CTNNA2: variants seen among roughly 807,000 people sequenced by gnomAD.
CTNNA2 encodes the protein catenin alpha-2.
A neutral mutation model predicts 101.0 loss-of-function variants in CTNNA2; 42 were observed. That is an observed-to-expected ratio of 0.42 (90% CI 0.32 to 0.54). CTNNA2 has a LOEUF of 0.54. Among genes scored for constraint, CTNNA2 ranks in the 20% least tolerant of loss-of-function variants. CTNNA2 has a pLI of 0.14. For missense variants in CTNNA2, 871 were observed against 1,223.1 expected (o/e 0.71, Z 4.29); for synonymous variants, 450 against 456.4 (o/e 0.99, Z 0.18).
intron 2 of CTNNA2, among the ~76,000 whole-genome samples, chr2:79,279,479 C>T (rs867204225): frequency 1.1e-4 from 17 of 152,074 alleles, no homozygotes; most frequent in South Asian, 8.3e-4. Context: ...CCCCCAACTT[C>T]CAGTTACTTG....
At chr2:80,423,430 AT>A (rs1037866805) in intron 9 of CTNNA2, among the ~76,000 whole-genome samples, 2 of 151,594 alleles carry the variant, frequency 1.3e-5, no homozygotes, top group African/African-American at 4.9e-5. Context: ...ATTGAGTTCA[AT>A]TTTTTTTTAA....
chr2:79,455,597 G>A (rs1166793589), intron 4 of CTNNA2, among the ~76,000 whole-genome samples: 1 of 152,114 alleles, frequency 6.6e-6, no homozygotes, highest in Admixed American at 6.5e-5. Context: ...ACGTACCTTT[G>A]CAAACATATT....
intron 7 of CTNNA2, among the ~76,000 whole-genome samples, chr2:80,182,879 G>T (rs1405393382): frequency 6.6e-6 from 1 of 152,134 alleles, no homozygotes; most frequent in Non-Finnish European, 1.5e-5. Flanking sequence ...TATTCATAGG[G>T]TTAACAAGGG....
At chr2:80,315,165 C>G (rs1282199786) in intron 7 of CTNNA2, among the ~76,000 whole-genome samples, 1 of 152,154 alleles carries the variant, frequency 6.6e-6, no homozygotes, top group Non-Finnish European at 1.5e-5. Context: ...TAATCATAAG[C>G]ACAAATTGCA....
intron 1 of CTNNA2, among the ~76,000 whole-genome samples, chr2:79,605,623 G>C (rs941986162): frequency 6.6e-6 from 1 of 152,062 alleles, no homozygotes; most frequent in Non-Finnish European, 1.5e-5. Flanking sequence ...GCAATATAAG[G>C]CTAGGCATGG....
At chr2:79,644,466 T>G (rs1378100398) in intron 1 of CTNNA2, among the ~76,000 whole-genome samples, 1 of 152,176 alleles carries the variant, frequency 6.6e-6, no homozygotes, top group Non-Finnish European at 1.5e-5. Flanking sequence ...CTTGATCATG[T>G]AATGTAAGAT....
At chr2:79,874,619 G>C (rs1250307516) in intron 6 of CTNNA2, among the ~76,000 whole-genome samples, 3 of 152,064 alleles carry the variant, frequency 2.0e-5, no homozygotes, top group African/African-American at 7.2e-5. Context: ...TCATGAGTTC[G>C]AACATGGAGA....
In CTNNA2 at chr2:80,583,265, A is replaced by T. The variant is rs531553571; in HGVS notation, c.2007+1446A>T. Among the ~76,000 whole-genome samples the T allele has an allele frequency of 1.7e-4, 26 of 152,322 alleles. No homozygotes were observed. In the South Asian group the frequency reaches 3.5e-3, roughly 21 times the overall value. On this transcript the variant is annotated intron_variant, in intron 14 of 18. Transcript: ENST00000402739. ...TAAGTGCTCGATAAAGATGACCGTG[A>T]TAATTATCATCCTTTCTAAGAGAAA... is the stretch of plus-strand genomic sequence containing the variant.
chr2:80,335,740 C>T (rs1446993457), intron 7 of CTNNA2, among the ~76,000 whole-genome samples: 3 of 152,182 alleles, frequency 2.0e-5, no homozygotes, highest in African/African-American at 4.8e-5. Flanking sequence ...TTCCTTTAGA[C>T]TATATAAATT....
At chr2:80,595,739 C>A (rs1696892852) in intron 15 of CTNNA2, among the ~76,000 whole-genome samples, 1 of 152,078 alleles carries the variant, frequency 6.6e-6, no homozygotes, top group South Asian at 2.1e-4. Context: ...GTTTTGGTAC[C>A]AGTACCATGC....
chr2:80,220,894 T>G (rs995997899), intron 7 of CTNNA2, among the ~76,000 whole-genome samples: 1 of 152,234 alleles, frequency 6.6e-6, no homozygotes, highest in Non-Finnish European at 1.5e-5. Context: ...TTTGTTTTTG[T>G]TTTCTGAGAC....
chr2:80,258,453 AG>A (rs994882115), intron 7 of CTNNA2, among the ~76,000 whole-genome samples: 1 of 152,158 alleles, frequency 6.6e-6, no homozygotes, highest in African/African-American at 2.4e-5. Flanking sequence ...AACAGTGCAA[AG>A]TAGAAGCTTT....
chr2:80,333,580 C>T (rs1206137646), intron 7 of CTNNA2, among the ~76,000 whole-genome samples: 1 of 152,180 alleles, frequency 6.6e-6, no homozygotes, highest in Admixed American at 6.5e-5. Flanking sequence ...TACCATTGGT[C>T]AGTGAGTTGC....
intron 12 of CTNNA2, among the ~76,000 whole-genome samples, chr2:80,569,761 G>GC (rs1694409282): frequency 6.8e-6 from 1 of 146,820 alleles, no homozygotes; most frequent in Non-Finnish European, 1.5e-5. Flanking sequence ...TCCTGCCTCA[G>GC]CCTCCCAAGT....
intron 2 of CTNNA2, among the ~76,000 whole-genome samples, chr2:79,283,646 G>C (rs1284874833): frequency 7.9e-6 from 1 of 126,842 alleles, no homozygotes; most frequent in Non-Finnish European, 1.7e-5. Flanking sequence ...GTACCATGCT[G>C]TTTTGGTTAC....
intron 9 of CTNNA2, among the ~76,000 whole-genome samples, chr2:80,487,280 C>CAAAAAAAAAAA (rs57561004): frequency 1.5e-5 from 1 of 68,518 alleles, no homozygotes. Context: ...TACTCTGTCT[C>CAAAAAAAAAAA]AAAAAAAAAA....
intron 9 of CTNNA2, among the ~76,000 whole-genome samples, chr2:80,532,531 A>G (rs1690631850): frequency 6.6e-6 from 1 of 152,134 alleles, no homozygotes; most frequent in South Asian, 2.1e-4. Context: ...ATGCTGGGAT[A>G]TTTTTACAAT....
At chr2:79,733,224 A>G (rs1687311728) in intron 2 of CTNNA2, among the ~76,000 whole-genome samples, 1 of 152,164 alleles carries the variant, frequency 6.6e-6, no homozygotes, top group Non-Finnish European at 1.5e-5. Context: ...ATAATTGCTT[A>G]TACCATCATG....
At chr2:79,500,309 C>T (rs1327602394) in intron 4 of CTNNA2, among the ~76,000 whole-genome samples, 1 of 152,012 alleles carries the variant, frequency 6.6e-6, no homozygotes, top group Non-Finnish European at 1.5e-5. Flanking sequence ...TTGTTATGTA[C>T]CTGTTACCTA....
Sources: gnomAD v4.1 joint callset for allele counts (sites outside exome capture counted in the v4.1 genomes callset) on GRCh38, gnomAD v4.1.1 for gene constraint, MANE v1.5 for transcripts, NCBI Gene and HGNC (gene_info 2026-07-23, HGNC 2026-07-21) for gene names.